KCNIP4: variants seen among roughly 807,000 people sequenced by gnomAD.
The protein encoded by KCNIP4 is potassium voltage-gated channel interacting protein 4.
In KCNIP4, 12 loss-of-function variants were observed where a neutral mutation model predicts 34.0. The ratio of observed to expected loss-of-function variants is 0.35; its 90% CI spans 0.23 to 0.57. The LOEUF (loss-of-function observed/expected upper bound fraction) is 0.57, where lower values mean the gene tolerates loss of function less well. Ranked by LOEUF, KCNIP4 falls within the 20% of genes least tolerant of loss-of-function variation. The pLI, the probability that KCNIP4 is intolerant of heterozygous loss-of-function variation, is 0.83. For missense variants in KCNIP4, 238 were observed against 311.7 expected, an observed-to-expected ratio of 0.76 and a Z score of 1.78; for synonymous variants, 124 against 102.2, an observed-to-expected ratio of 1.21 and a Z score of -1.29.
At chr4:21,434,112 A>G (rs1726740499) in intron 1 of KCNIP4, among the ~76,000 whole-genome samples, 1 of 152,196 alleles carries the variant, frequency 6.6e-6, no homozygotes, top group Admixed American at 6.5e-5. Flanking sequence ...CCAGGATTCA[A>G]ACCCAGATGC....
At chr4:21,104,154 C>G (rs1418159214) in intron 1 of KCNIP4, among the ~76,000 whole-genome samples, 1 of 147,280 alleles carries the variant, frequency 6.8e-6, no homozygotes, top group African/African-American at 2.6e-5. Context: ...CCTAAGGAAT[C>G]GCCACACTGT....
At chr4:20,862,180 G>A (rs1722274012) in intron 2 of KCNIP4, among the ~76,000 whole-genome samples, 1 of 151,784 alleles carries the variant, frequency 6.6e-6, no homozygotes, top group South Asian at 2.1e-4. Flanking sequence ...TAGTAGAGAC[G>A]GGGTTTCGCT....
At chr4:21,427,314 TA>T (rs5856634) in intron 1 of KCNIP4, among the ~76,000 whole-genome samples, 22,083 of 144,346 alleles carry the variant, frequency 0.15, 1,681 homozygotes, top group Middle Eastern at 0.21. Context: ...AATAAATATG[TA>T]AAAAAAAAAA....
At chr4:20,969,556 TTGTGTGTGTG>T in intron 1 of KCNIP4, among the ~76,000 whole-genome samples, 1 of 149,700 alleles carries the variant, frequency 6.7e-6, no homozygotes, top group Admixed American at 6.7e-5. Context: ...GCGTGTGTGT[TTGTGTGTGTG>T]TGTGTGTGTG....
intron 1 of KCNIP4, among the ~76,000 whole-genome samples, chr4:21,468,127 T>C (rs1730151657): frequency 6.6e-6 from 1 of 152,160 alleles, no homozygotes; most frequent in South Asian, 2.1e-4. Flanking sequence ...GCAATCCAGG[T>C]TCCAAGCTCA....
In KCNIP4 at chr4:20,860,113, C is replaced by T. The variant is rs145566876; in HGVS notation, c.164-9446G>A. 1.7e-3 allele frequency among the ~76,000 whole-genome samples: 265 copies of T among 152,056 alleles called. 1 individual carries two copies. Among genetic ancestry groups the T allele is most frequent in the African/African-American group, 5.7e-3 (237 of 41,498 alleles). On this transcript the variant is annotated intron_variant, in intron 2 of 8. Transcript: ENST00000382152. Reference sequence around the variant, plus strand: ...CCAAGAATAGTGAGTGTATCTACAGCAGGTCCCATTTCTTTTTTTTTTCTT... The same window carrying T: ...CCAAGAATAGTGAGTGTATCTACAGTAGGTCCCATTTCTTTTTTTTTTCTT...
At chr4:21,006,304 G>A (rs187480274) in intron 1 of KCNIP4, among the ~76,000 whole-genome samples, 1 of 152,142 alleles carries the variant, frequency 6.6e-6, no homozygotes, top group African/African-American at 2.4e-5. Context: ...ATAAAACAGG[G>A]TAAGGTAATA....
At chr4:21,234,033 C>T (rs1192807976) in intron 1 of KCNIP4, among the ~76,000 whole-genome samples, 2 of 112,286 alleles carry the variant, frequency 1.8e-5, no homozygotes, top group Non-Finnish European at 3.3e-5. Context: ...TTATATATAA[C>T]ATATATAACA....
At chr4:21,236,841 C>T (rs1040875916) in intron 1 of KCNIP4, among the ~76,000 whole-genome samples, 1 of 124,764 alleles carries the variant, frequency 8.0e-6, no homozygotes, top group Non-Finnish European at 1.6e-5. Flanking sequence ...AACCCCACCT[C>T]TACTAAAAAA....
At chr4:21,452,113 C>T (rs565416221) in intron 1 of KCNIP4, among the ~76,000 whole-genome samples, 12 of 151,754 alleles carry the variant, frequency 7.9e-5, no homozygotes, top group East Asian at 2.0e-4. Context: ...CCCACAGGGA[C>T]GTAGGCACTG....
chr4:21,125,969 T>C (rs1750581796), intron 1 of KCNIP4, among the ~76,000 whole-genome samples: 2 of 152,066 alleles, frequency 1.3e-5, no homozygotes, highest in South Asian at 4.1e-4. Context: ...GTTAAAGCCT[T>C]AATTTGAACA....
chr4:21,866,451 C>A (rs904663242), intron 1 of KCNIP4, among the ~76,000 whole-genome samples: 6 of 152,092 alleles, frequency 3.9e-5, no homozygotes, highest in Admixed American at 6.5e-5. Flanking sequence ...ATAGGACAGG[C>A]GCCCCAAATG....
intron 1 of KCNIP4, among the ~76,000 whole-genome samples, chr4:21,741,694 T>C (rs766703383): frequency 3.9e-5 from 6 of 152,134 alleles, no homozygotes; most frequent in Non-Finnish European, 5.9e-5. Context: ...TTTGAAACAC[T>C]GGGATTTAAA....
chr4:20,969,664 A>G (rs1734729845), intron 1 of KCNIP4, among the ~76,000 whole-genome samples: 1 of 152,144 alleles, frequency 6.6e-6, no homozygotes, highest in Non-Finnish European at 1.5e-5. Flanking sequence ...ATATATAAGG[A>G]ACTTCACACA....
At chr4:21,631,740 A>C (rs1239954438) in intron 1 of KCNIP4, among the ~76,000 whole-genome samples, 1 of 152,144 alleles carries the variant, frequency 6.6e-6, no homozygotes, top group East Asian at 1.9e-4. Flanking sequence ...TCTATGCTTT[A>C]TTTAGAATAA....
chr4:20,955,854 T>G (rs917136093), intron 1 of KCNIP4, among the ~76,000 whole-genome samples: 1 of 152,170 alleles, frequency 6.6e-6, no homozygotes, highest in African/African-American at 2.4e-5. Flanking sequence ...TTAAGTAATA[T>G]CCTCCTTTTA....
chr4:21,504,673 C>A (rs761389149), intron 1 of KCNIP4, among the ~76,000 whole-genome samples: 4 of 152,164 alleles, frequency 2.6e-5, no homozygotes, highest in Middle Eastern at 3.4e-3. Context: ...CCAGGCTGAA[C>A]CTTTCTAGCT....
chr4:21,096,638 T>A (rs1203267770), intron 1 of KCNIP4, among the ~76,000 whole-genome samples: 1 of 152,174 alleles, frequency 6.6e-6, no homozygotes, highest in Non-Finnish European at 1.5e-5. Flanking sequence ...AAAATAGCTC[T>A]TTTAAATGTA....
chr4:21,286,352 A>T (rs1763121956), intron 1 of KCNIP4, among the ~76,000 whole-genome samples: 2 of 152,214 alleles, frequency 1.3e-5, no homozygotes, highest in Non-Finnish European at 2.9e-5. Flanking sequence ...GGGAGAATTA[A>T]CATGGCCAAA....
Sources: allele counts gnomAD v4.1 joint callset (sites outside exome capture counted in the v4.1 genomes callset), GRCh38; gene constraint gnomAD v4.1.1; transcripts MANE v1.5; gene names NCBI Gene and HGNC (gene_info 2026-07-23, HGNC 2026-07-21).